Variants in ANK3 observed in about 807,000 individuals in gnomAD.
ANK3 encodes ankyrin-3.
Under a neutral mutation model 370.9 loss-of-function variants are expected in ANK3, and 57 were observed. The observed-to-expected ratio is 0.15, with a 90% CI of 0.12 to 0.19. The LOEUF is 0.19. Among genes scored for constraint, ANK3 ranks in the 10% least tolerant of loss-of-function variants. The probability of loss-of-function intolerance (pLI) is 1.00; values close to 1 mark genes in which losing one functional copy is unlikely to be tolerated. For synonymous variants in ANK3, 1,929 were observed against 1,946.3 expected (o/e 0.99, Z 0.23); for missense variants, 4,439 against 5,302.1 (o/e 0.84, Z 5.06).
At chr10:60,404,214 T>G (rs80270428) in intron 2 of ANK3, among the ~76,000 whole-genome samples, 11 of 107,094 alleles carry the variant, frequency 1.0e-4, no homozygotes, top group African/African-American at 2.7e-4. Flanking sequence ...ACACCACAAG[T>G]TTTTTTTTAA....
intron 1 of ANK3, among the ~76,000 whole-genome samples, chr10:60,652,945 G>A (rs1241363983): frequency 6.6e-6 from 1 of 152,076 alleles, no homozygotes; most frequent in Non-Finnish European, 1.5e-5. Context: ...ACTCACGATG[G>A]TGAGCCTCTC....
intron 38 of ANK3, among the ~76,000 whole-genome samples, chr10:60,066,379 A>G (rs572778387): frequency 1.3e-5 from 2 of 152,354 alleles, no homozygotes; most frequent in East Asian, 1.9e-4. Context: ...TTGCTCCAGT[A>G]TATTTTCAGA....
chr10:60,180,594 C>CAAAAAAAAA (rs58386273), intron 18 of ANK3, among the ~76,000 whole-genome samples: 1,380 of 63,292 alleles, frequency 0.022, 186 homozygotes, highest in African/African-American at 0.042. Context: ...GACTCCGTCT[C>CAAAAAAAAA]AAAAAAAAAA....
chr10:60,639,696 T>A (rs977782287), intron 1 of ANK3, among the ~76,000 whole-genome samples: 2 of 151,708 alleles, frequency 1.3e-5, no homozygotes, highest in African/African-American at 4.8e-5. Context: ...CTAAAGTAAA[T>A]AACTACTAAA....
intron 2 of ANK3, among the ~76,000 whole-genome samples, chr10:60,478,487 TAAAG>T (rs1377974457): frequency 6.6e-6 from 1 of 152,122 alleles, no homozygotes; most frequent in East Asian, 1.9e-4. Context: ...AGCAAATATT[TAAAG>T]ACAATTGAGA....
rs755833235 is a variant in ANK3, at chr10:60,070,511, C to T, written c.10370G>A (p.Arg3457His). The change falls in exon 37 of 44, where the codon CGC becomes CAC. Residue 3457 changes from arginine to histidine, a missense_variant. Around this residue, in one of 13 missense-constraint regions of ANK3, gnomAD observed 1,601 missense variants for 1,731.7 expected, o/e 0.92. Transcript: ENST00000280772. The surrounding 1 kb of genome is among the most constrained non-coding windows in gnomAD (Gnocchi z 5.7). ...NTEGILKPAD[R>H]SFSQSKLEVI... ...TTCAAGTTTACTTTGGCTAAAAGAG[C>T]GGTCAGCTGGCTTCAGAATGCCCTC... The T allele has an allele frequency of 3.8e-5, 61 of 1,614,018 alleles. No individual in the cohort carries two copies. In the East Asian group the frequency reaches 9.6e-4, roughly 25 times the overall value.
At chr10:60,386,345 T>G (rs995191817) in intron 1 of ANK3, among the ~76,000 whole-genome samples, 9 of 151,804 alleles carry the variant, frequency 5.9e-5, no homozygotes, top group African/African-American at 2.2e-4. Flanking sequence ...TTAAAGAAGA[T>G]ACTCATTCAA....
At chr10:60,085,328 CTTCT>C in intron 30 of ANK3, 75 bp from the exon 31 acceptor site, 5 of 1,149,328 alleles carry the variant, frequency 4.4e-6, no homozygotes, top group Non-Finnish European at 3.8e-6. Flanking sequence ...AGATCCTGTT[CTTCT>C]TTCTGCATAG....
intron 2 of ANK3, among the ~76,000 whole-genome samples, chr10:60,416,318 CCA>C (rs2132941711): frequency 6.6e-6 from 1 of 152,238 alleles, no homozygotes; most frequent in South Asian, 2.1e-4. Flanking sequence ...TTACATGGAA[CCA>C]CACAGATGAC....
intron 2 of ANK3, among the ~76,000 whole-genome samples, chr10:60,529,513 G>A (rs994073382): frequency 2.6e-5 from 4 of 152,092 alleles, no homozygotes; most frequent in Non-Finnish European, 4.4e-5. Context: ...GGGGGCTCAG[G>A]TGCACGCACT....
intron 1 of ANK3, among the ~76,000 whole-genome samples, chr10:60,299,094 A>G (rs2043146561): frequency 6.6e-6 from 1 of 152,202 alleles, no homozygotes; most frequent in East Asian, 1.9e-4. Context: ...ATTCATGCAC[A>G]ATCTTATAGC....
chr10:60,534,859 T>C (rs1345088292), intron 2 of ANK3, among the ~76,000 whole-genome samples: 2 of 152,166 alleles, frequency 1.3e-5, no homozygotes, highest in African/African-American at 4.8e-5. Context: ...AAAGTCCCAA[T>C]GCTATAGGAT....
chr10:60,421,372 G>T (rs548871904), intron 2 of ANK3, among the ~76,000 whole-genome samples: 1 of 152,006 alleles, frequency 6.6e-6, no homozygotes, highest in African/African-American at 2.4e-5. Flanking sequence ...AGAAAAAAGG[G>T]AAAGTCTTAA....
intron 17 of ANK3, among the ~76,000 whole-genome samples, chr10:60,183,551 T>C (rs1454202832): frequency 6.6e-6 from 1 of 152,186 alleles, no homozygotes; most frequent in Non-Finnish European, 1.5e-5. Flanking sequence ...ATTTTGATCA[T>C]TGCTCATTTT....
intron 21 of ANK3, 137 bp from the exon 22 acceptor site, chr10:60,167,033 A>G: frequency 1.3e-6 from 1 of 743,896 alleles, no homozygotes; most frequent in Non-Finnish European, 2.2e-6. Context: ...ATAAAATAAC[A>G]TCAAAATTGT....
chr10:60,253,117 C>G (rs996810937), intron 7 of ANK3, among the ~76,000 whole-genome samples: 1 of 152,204 alleles, frequency 6.6e-6, no homozygotes, highest in Non-Finnish European at 1.5e-5. Flanking sequence ...AGCATTCTGA[C>G]AGTGCGGTTT....
intron 1 of ANK3, chr10:60,684,724 G>A (rs913437409): frequency 8.9e-5 from 141 of 1,585,402 alleles, no homozygotes; most frequent in African/African-American, 1.6e-4. Flanking sequence ...TTTTCACTTC[G>A]GGGATGTAGG....
intron 2 of ANK3, among the ~76,000 whole-genome samples, chr10:60,479,633 A>G (rs767336779): frequency 6.6e-6 from 1 of 152,140 alleles, no homozygotes; most frequent in Non-Finnish European, 1.5e-5. Flanking sequence ...AGTGAAATAC[A>G]TTTCTTTACT....
intron 2 of ANK3, among the ~76,000 whole-genome samples, chr10:60,474,274 A>G (rs1035689626): frequency 6.6e-6 from 1 of 150,380 alleles, no homozygotes; most frequent in Non-Finnish European, 1.5e-5. Context: ...CAGGAATACT[A>G]CTTACAGAGA....
Sources: gnomAD v4.1 joint callset for allele counts (sites outside exome capture counted in the v4.1 genomes callset) on GRCh38, gnomAD v4.1.1 for gene constraint, gnomAD v4.1.1 regional missense constraint, Gnocchi (gnomAD v3.1) non-coding constraint, MANE v1.5 for transcripts, NCBI Gene and HGNC (gene_info 2026-07-23, HGNC 2026-07-21) for gene names.